The following RALGAPA2 variants were observed in gnomAD, a reference collection of about 807,000 sequenced individuals.
The protein encoded by RALGAPA2 is Ral GTPase activating protein catalytic subunit alpha 2.
In RALGAPA2, 139 loss-of-function variants were observed where a neutral mutation model predicts 230.4. The ratio of observed to expected loss-of-function variants is 0.60; its 90% CI spans 0.53 to 0.69. The LOEUF (loss-of-function observed/expected upper bound fraction) is 0.69, where lower values mean the gene tolerates loss of function less well. Among genes scored for constraint, RALGAPA2 ranks in the 30% least tolerant of loss-of-function variants. RALGAPA2 has a pLI of 0.00. For missense variants in RALGAPA2, 2,163 were observed against 2,276.0 expected, an observed-to-expected ratio of 0.95 and a Z score of 1.01; for synonymous variants, 847 against 837.8, an observed-to-expected ratio of 1.01 and a Z score of -0.19.
At chr20:20,512,015 C>G (rs1464577551) in intron 32 of RALGAPA2, among the ~76,000 whole-genome samples, 1 of 151,962 alleles carries the variant, frequency 6.6e-6, no homozygotes, top group Non-Finnish European at 1.5e-5. Flanking sequence ...ATGGTGAAAC[C>G]CCGTCTCTAC....
intron 9 of RALGAPA2, among the ~76,000 whole-genome samples, chr20:20,631,410 T>C (rs988332832): frequency 3.9e-5 from 6 of 152,220 alleles, no homozygotes; most frequent in Admixed American, 3.3e-4. Flanking sequence ...GTTAAGGATG[T>C]TGGGATAGAA....
chr20:20,635,264 C>T (rs1019021419), intron 9 of RALGAPA2, 154 bp downstream of exon 9: 80 of 753,964 alleles, frequency 1.1e-4, no homozygotes, highest in Admixed American at 5.7e-4. Flanking sequence ...CCTCTGAAAC[C>T]TTGGCATTAC....
intron 1 of RALGAPA2, among the ~76,000 whole-genome samples, chr20:20,701,788 T>A (rs2069379606): frequency 6.7e-6 from 1 of 150,146 alleles, no homozygotes; most frequent in African/African-American, 2.5e-5. Flanking sequence ...ACACCTGTAA[T>A]CCCAGCACTC....
At chr20:20,474,887 T>C (rs1167855817) in intron 36 of RALGAPA2, among the ~76,000 whole-genome samples, 2 of 152,240 alleles carry the variant, frequency 1.3e-5, no homozygotes, top group Admixed American at 1.3e-4. Flanking sequence ...TTTCTAGCCA[T>C]GAGATCACAT....
intron 10 of RALGAPA2, among the ~76,000 whole-genome samples, chr20:20,626,583 A>G (rs926060094): frequency 2.6e-5 from 4 of 152,248 alleles, no homozygotes; most frequent in Non-Finnish European, 5.9e-5. Flanking sequence ...TAACAGATAC[A>G]GTCAGAATTA....
chr20:20,411,488 G>A (rs895651647), intron 38 of RALGAPA2, among the ~76,000 whole-genome samples: 9 of 152,098 alleles, frequency 5.9e-5, no homozygotes, highest in Admixed American at 2.0e-4. Flanking sequence ...TCCACACCAG[G>A]TGCTGCTCCG....
chr20:20,604,770 T>C (rs1034231601), intron 15 of RALGAPA2, among the ~76,000 whole-genome samples: 2 of 152,182 alleles, frequency 1.3e-5, no homozygotes, highest in African/African-American at 4.8e-5. Context: ...TCTTCCAATG[T>C]GGCCTGGGGA....
chr20:20,535,620 T>C (rs2145603599), intron 26 of RALGAPA2, 125 bp downstream of exon 26: 1 of 1,325,704 alleles, frequency 7.5e-7, no homozygotes, highest in Non-Finnish European at 9.8e-7. Context: ...TCATTCTTCC[T>C]AGACTTTTCA....
chr20:20,591,124 A>G, intron 17 of RALGAPA2, 53 bp downstream of exon 17: 2 of 1,581,876 alleles, frequency 1.3e-6, no homozygotes, highest in Non-Finnish European at 8.6e-7. Flanking sequence ...TGCAGCTTTT[A>G]TTCCTCTGCC....
chr20:20,528,054 A>G (rs1226547592), intron 27 of RALGAPA2, among the ~76,000 whole-genome samples: 3 of 152,120 alleles, frequency 2.0e-5, no homozygotes, highest in Admixed American at 6.5e-5. Context: ...AGGAGAGCTA[A>G]GCTGTGCCTG....
chr20:20,698,998 G>T (rs1288039738), intron 1 of RALGAPA2, among the ~76,000 whole-genome samples: 1 of 152,146 alleles, frequency 6.6e-6, no homozygotes, highest in African/African-American at 2.4e-5. Flanking sequence ...TAATCTCTAA[G>T]TTTATATATT....
At chr20:20,527,319 G>A (rs2063235137) in intron 27 of RALGAPA2, among the ~76,000 whole-genome samples, 1 of 152,086 alleles carries the variant, frequency 6.6e-6, no homozygotes, top group African/African-American at 2.4e-5. Flanking sequence ...CTACCTGAGA[G>A]GCACTAGCTA....
intron 38 of RALGAPA2, among the ~76,000 whole-genome samples, chr20:20,406,466 G>A (rs979984828): frequency 6.6e-6 from 1 of 152,168 alleles, no homozygotes; most frequent in Non-Finnish European, 1.5e-5. Flanking sequence ...TGTCCAGAAG[G>A]GATTATGGGG....
chr20:20,608,538 T>C (rs1428538758), intron 14 of RALGAPA2, among the ~76,000 whole-genome samples: 1 of 151,906 alleles, frequency 6.6e-6, no homozygotes, highest in Admixed American at 6.6e-5. Context: ...AAAAGGGTAA[T>C]AAAAACTTAA....
intron 18 of RALGAPA2, among the ~76,000 whole-genome samples, chr20:20,588,938 T>C (rs559529484): frequency 2.6e-5 from 4 of 152,318 alleles, no homozygotes; most frequent in South Asian, 4.1e-4. Flanking sequence ...TCATGTCAGG[T>C]AGAGGCTACC....
chr20:20,452,677 T>C (rs978103612), intron 37 of RALGAPA2, among the ~76,000 whole-genome samples: 8 of 152,214 alleles, frequency 5.3e-5, no homozygotes, highest in Non-Finnish European at 1.0e-4. Flanking sequence ...GTAAGTGCAA[T>C]GTCGGCCGGC....
At chr20:20,669,678 G>T (rs2068070534) in intron 3 of RALGAPA2, among the ~76,000 whole-genome samples, 1 of 152,172 alleles carries the variant, frequency 6.6e-6, no homozygotes, top group Admixed American at 6.5e-5. Context: ...TTCTGTCTCT[G>T]TCGCTCCCTT....
At chr20:20,609,507 C>T (rs73292780) in intron 14 of RALGAPA2, among the ~76,000 whole-genome samples, 1,663 of 151,520 alleles carry the variant, frequency 0.011, 27 homozygotes, top group African/African-American at 0.038. Context: ...TTTTTTTTCC[C>T]CAAAGATCAA....
At chr20:20,597,181 A>G (rs1337640635) in intron 16 of RALGAPA2, among the ~76,000 whole-genome samples, 3 of 152,236 alleles carry the variant, frequency 2.0e-5, no homozygotes, top group African/African-American at 7.2e-5. Flanking sequence ...GTGACATAAG[A>G]AAACTTTTCA....
Sources: gnomAD v4.1 joint callset for allele counts (sites outside exome capture counted in the v4.1 genomes callset) on GRCh38, gnomAD v4.1.1 for gene constraint, MANE v1.5 for transcripts, NCBI Gene and HGNC (gene_info 2026-07-23, HGNC 2026-07-21) for gene names.